CNGA3: variants seen among roughly 807,000 people sequenced by gnomAD.
CNGA3 encodes the protein cyclic nucleotide gated channel subunit alpha 3.
CNGA3 carries 42 observed loss-of-function variants against 46.6 expected under a neutral mutation model. The observed-to-expected ratio is 0.90, with a 90% confidence interval of 0.70 to 1.17. CNGA3 has a LOEUF of 1.17. Ranked by LOEUF, CNGA3 falls within the 50% of genes most tolerant of loss-of-function variation. CNGA3 has a pLI of 0.00. For missense variants in CNGA3, 893 were observed against 890.7 expected (o/e 1.00, Z -0.03); for synonymous variants, 394 against 369.4 (o/e 1.07, Z -0.76).
rs560354090 is a variant in CNGA3 at position 98,397,555 on chromosome 2, A to G, written c.*300A>G. 1 of 447,060 alleles carries G rather than the reference A, an allele frequency of 2.2e-6. No homozygotes were observed. Among genetic ancestry groups the G allele is most frequent in the African/African-American group, 2.0e-5 (1 of 50,816 alleles). The allele number at this position is 447,060 out of a possible 1,614,324, so 27.7% of individuals were successfully genotyped here. ...ATGAAAACGTGCACACAGGACTCTC[A>G]TTACTTTTTTATGGAATCTGCAAGG... On this transcript the variant is annotated 3_prime_UTR_variant, in exon 8 of 8. Coordinates refer to ENST00000272602, the MANE Select transcript of CNGA3 (RefSeq NM_001298.3).
In CNGA3 at chr2:98,377,035, C is replaced by A. The variant is rs191894871; in HGVS notation, c.102-652C>A. On this transcript the variant is annotated intron_variant, in intron 2 of 7. Coordinates refer to ENST00000272602, the MANE Select transcript of CNGA3 (RefSeq NM_001298.3). ...TACCTCTGCCTTGCAGGAGAGAGAGCCTAGAGTTTGGCAAAAGGGACGAGG... is the reference window on the plus strand; with the variant it reads ...TACCTCTGCCTTGCAGGAGAGAGAGACTAGAGTTTGGCAAAAGGGACGAGG... Among the ~76,000 whole-genome samples the A allele has an allele frequency of 2.6e-5, 4 of 152,232 alleles. No homozygotes were observed. In the East Asian group the frequency reaches 5.8e-4, roughly 22 times the overall value.
chr2:98,390,318 A>G (rs1250027530), intron 6 of CNGA3, among the ~76,000 whole-genome samples: 1 of 147,960 alleles, frequency 6.8e-6, no homozygotes, highest in Non-Finnish European at 1.5e-5. Context: ...ATATATATGT[A>G]TTTTTTTTTT....
chr2:98,348,428 A>C (rs1170905867), intron 1 of CNGA3, among the ~76,000 whole-genome samples: 3 of 152,216 alleles, frequency 2.0e-5, no homozygotes, highest in African/African-American at 7.2e-5. Flanking sequence ...ACCAGTCTCC[A>C]GTCGCCATGG....
intron 2 of CNGA3, among the ~76,000 whole-genome samples, chr2:98,372,184 C>T (rs541931760): frequency 2.6e-5 from 4 of 152,226 alleles, no homozygotes; most frequent in Non-Finnish European, 5.9e-5. Context: ...TTGACAGCAC[C>T]GTGGTCCTGC....
intron 2 of CNGA3, among the ~76,000 whole-genome samples, chr2:98,374,038 T>G (rs1264968874): frequency 6.6e-6 from 1 of 152,210 alleles, no homozygotes; most frequent in Non-Finnish European, 1.5e-5. Context: ...CCTCAGGGCT[T>G]AAGAAGAGGA....
At chr2:98,391,339 G>C (rs953022868) in intron 6 of CNGA3, among the ~76,000 whole-genome samples, 3 of 152,170 alleles carry the variant, frequency 2.0e-5, no homozygotes, top group Non-Finnish European at 4.4e-5. Context: ...GGAGGCTTTG[G>C]GGCGCTGAGC....
At position 98,398,147 on chromosome 2, in the gene CNGA3, G is replaced by T. The variant is rs1295454877; in HGVS notation, c.*892G>T. The T allele has an allele frequency of 6.6e-6, 1 of 152,134 alleles. No homozygotes were observed. Among genetic ancestry groups the T allele is most frequent in the South Asian group, 2.1e-4 (1 of 4,830 alleles). The allele number at this position is 152,134 out of a possible 1,614,324, so 9.4% of individuals were successfully genotyped here. A position where few individuals can be genotyped will look rare whatever the true frequency, so the allele number is the denominator to read the frequency against. On this transcript the variant is annotated 3_prime_UTR_variant, in exon 8 of 8. Transcript: ENST00000272602. Reference sequence around the variant, plus strand: ...GACAACTGAGAGTTTTAGAAGATTAGACCATTAGGAACGTATCTTTGCAAA... The same window carrying T: ...GACAACTGAGAGTTTTAGAAGATTATACCATTAGGAACGTATCTTTGCAAA...
intron 3 of CNGA3, among the ~76,000 whole-genome samples, chr2:98,379,333 G>A (rs530391891): frequency 1.2e-4 from 18 of 152,368 alleles, no homozygotes; most frequent in East Asian, 3.9e-4. Context: ...GGGACACCCC[G>A]TCCAGGGGAG....
intron 2 of CNGA3, among the ~76,000 whole-genome samples, chr2:98,375,964 T>C (rs911480896): frequency 6.6e-6 from 1 of 152,174 alleles, no homozygotes; most frequent in Admixed American, 6.5e-5. Context: ...GTGGCTGGCA[T>C]ACAGAAAAGA....
intron 5 of CNGA3, among the ~76,000 whole-genome samples, chr2:98,388,154 G>T (rs1487686484): frequency 1.3e-5 from 2 of 152,066 alleles, no homozygotes; most frequent in Admixed American, 6.6e-5. Flanking sequence ...TCTTCAGGAC[G>T]TCTCCACGAC....
chr2:98,389,827 G>A (rs1223608896), intron 6 of CNGA3, 53 bp downstream of exon 6: 2 of 1,463,624 alleles, frequency 1.4e-6, no homozygotes, highest in Non-Finnish European at 1.9e-6. Context: ...AGGGCACCAG[G>A]CCCAGGAGCC....
chr2:98,361,760 T>C (rs1407425412), intron 1 of CNGA3, among the ~76,000 whole-genome samples: 2 of 145,270 alleles, frequency 1.4e-5, no homozygotes, highest in Admixed American at 7.2e-5. Flanking sequence ...CAGGCTGGAG[T>C]GCAGTGGCGC....
chr2:98,360,973 C>A (rs1692018077), intron 1 of CNGA3, among the ~76,000 whole-genome samples: 2 of 152,006 alleles, frequency 1.3e-5, no homozygotes. Context: ...GGATAACACA[C>A]ATGAATATGT....
At chr2:98,382,303 G>A (rs1157886420) in intron 4 of CNGA3, among the ~76,000 whole-genome samples, 1 of 152,194 alleles carries the variant, frequency 6.6e-6, no homozygotes, top group Non-Finnish European at 1.5e-5. Flanking sequence ...TGGGGTTACG[G>A]GCACAGAGGC....
chr2:98,354,306 C>G (rs1301599770), intron 1 of CNGA3, among the ~76,000 whole-genome samples: 3 of 152,158 alleles, frequency 2.0e-5, no homozygotes, highest in African/African-American at 7.2e-5. Flanking sequence ...AGAGGGCCAA[C>G]TGTAGTAAGT....
chr2:98,347,251 C>T (rs964908700), intron 1 of CNGA3: 1 of 152,238 alleles, frequency 6.6e-6, no homozygotes, highest in African/African-American at 2.4e-5. Context: ...GATAAAATCA[C>T]ACCCGGGATC....
chr2:98,352,923 C>T (rs533072340), intron 1 of CNGA3, among the ~76,000 whole-genome samples: 14 of 152,226 alleles, frequency 9.2e-5, no homozygotes, highest in African/African-American at 2.9e-4. Flanking sequence ...TTGAGCAATG[C>T]AGGGATTGGG....
At chr2:98,395,707 T>C in intron 7 of CNGA3, 137 bp from the exon 8 acceptor site, 1 of 712,564 alleles carries the variant, frequency 1.4e-6, no homozygotes, top group Non-Finnish European at 2.5e-6. Flanking sequence ...TAATGGTAAG[T>C]GTTGTTTTTG....
intron 5 of CNGA3, among the ~76,000 whole-genome samples, chr2:98,384,328 A>T (rs1692606761): frequency 6.6e-6 from 1 of 152,186 alleles, no homozygotes; most frequent in Non-Finnish European, 1.5e-5. Flanking sequence ...ATCACCAGAT[A>T]CTAAGGTGGC....
Sources: gnomAD v4.1 joint callset for allele counts (sites outside exome capture counted in the v4.1 genomes callset) on GRCh38, gnomAD v4.1.1 for gene constraint, MANE v1.5 for transcripts, NCBI Gene and HGNC (gene_info 2026-07-23, HGNC 2026-07-21) for gene names.